Variants in CWF19L2 observed in about 807,000 individuals in gnomAD.
CWF19L2 encodes CWF19-like protein 2.
Under a neutral mutation model 111.7 loss-of-function variants are expected in CWF19L2, and 98 were observed. The observed-to-expected ratio is 0.88, with a 90% CI of 0.75 to 1.04. The LOEUF is 1.04. CWF19L2 is among the 50% of genes least tolerant of loss of function. The probability of loss-of-function intolerance (pLI) is 0.00; values close to 1 mark genes in which losing one functional copy is unlikely to be tolerated. For missense variants in CWF19L2, 1,101 were observed against 1,051.4 expected (o/e 1.05, Z -0.65); for synonymous variants, 351 against 342.9 (o/e 1.02, Z -0.26).
chr11:107,380,061 A>AAAAAAT (rs1483177520), intron 12 of CWF19L2, among the ~76,000 whole-genome samples: 2 of 150,428 alleles, frequency 1.3e-5, no homozygotes, highest in Admixed American at 6.6e-5. Flanking sequence ...AAAAAAAAAA[A>AAAAAAT]AAAAAAAAAA....
chr11:107,410,319 G>A (rs770209763), intron 10 of CWF19L2, among the ~76,000 whole-genome samples: 1 of 152,058 alleles, frequency 6.6e-6, no homozygotes, highest in African/African-American at 2.4e-5. Flanking sequence ...CAAGGCCCTG[G>A]ATCTGATGGA....
intron 10 of CWF19L2, among the ~76,000 whole-genome samples, chr11:107,412,892 G>GT (rs1311666511): frequency 6.6e-6 from 1 of 152,162 alleles, no homozygotes. Flanking sequence ...GCTACATACT[G>GT]TATGATTTCA....
At chr11:107,372,843 C>T (rs1860532615) in intron 12 of CWF19L2, among the ~76,000 whole-genome samples, 2 of 130,456 alleles carry the variant, frequency 1.5e-5, no homozygotes, top group Non-Finnish European at 3.2e-5. Context: ...GTGATTTGTG[C>T]ATTTCCATCT....
intron 3 of CWF19L2, among the ~76,000 whole-genome samples, chr11:107,446,273 T>A (rs1270394129): frequency 1.3e-5 from 2 of 152,230 alleles, no homozygotes; most frequent in African/African-American, 4.8e-5. Context: ...CCTCTTGTTT[T>A]ATAATTTAGT....
At chr11:107,359,554 CAA>C (rs1056817290) in intron 12 of CWF19L2, among the ~76,000 whole-genome samples, 1 of 152,100 alleles carries the variant, frequency 6.6e-6, no homozygotes, top group African/African-American at 2.4e-5. Flanking sequence ...GATAAACTAG[CAA>C]AATTTTTGCT....
intron 13 of CWF19L2, among the ~76,000 whole-genome samples, chr11:107,349,574 A>G (rs183177605): frequency 4.6e-5 from 7 of 152,158 alleles, no homozygotes; most frequent in Admixed American, 2.0e-4. Flanking sequence ...ATTTACATAC[A>G]TGTATTACCT....
intron 8 of CWF19L2, among the ~76,000 whole-genome samples, chr11:107,425,296 T>C (rs1473267800): frequency 1.3e-5 from 2 of 151,724 alleles, no homozygotes; most frequent in Non-Finnish European, 2.9e-5. Flanking sequence ...AAATTAGTCA[T>C]GCATAGCATA....
intron 16 of CWF19L2, among the ~76,000 whole-genome samples, chr11:107,334,512 T>C (rs1859893387): frequency 6.6e-6 from 1 of 152,206 alleles, no homozygotes; most frequent in African/African-American, 2.4e-5. Flanking sequence ...AGGAAAATTT[T>C]TCTCTCAGTA....
At chr11:107,445,169 A>G (rs1479678102) in intron 3 of CWF19L2, among the ~76,000 whole-genome samples, 1 of 152,248 alleles carries the variant, frequency 6.6e-6, no homozygotes, top group African/African-American at 2.4e-5. Context: ...CTATTCTTGA[A>G]GCCTAGCTGC....
At chr11:107,456,744 G>A (rs1443635005) in intron 1 of CWF19L2, among the ~76,000 whole-genome samples, 1 of 151,958 alleles carries the variant, frequency 6.6e-6, no homozygotes, top group Non-Finnish European at 1.5e-5. Flanking sequence ...CTTGGTGTAG[G>A]CAAGAAGATG....
At chr11:107,332,209 G>A (rs995440286) in intron 16 of CWF19L2, among the ~76,000 whole-genome samples, 4 of 152,070 alleles carry the variant, frequency 2.6e-5, no homozygotes, top group Admixed American at 6.6e-5. Context: ...AATTGCTATA[G>A]TTATCACAAA....
intron 10 of CWF19L2, among the ~76,000 whole-genome samples, chr11:107,413,182 G>A (rs558695163): frequency 6.6e-6 from 1 of 152,288 alleles, no homozygotes; most frequent in East Asian, 1.9e-4. Context: ...TACTCCTCTG[G>A]TAGGGGCTAT....
chr11:107,396,998 G>A (rs966915573), intron 10 of CWF19L2, among the ~76,000 whole-genome samples: 1 of 152,218 alleles, frequency 6.6e-6, no homozygotes, highest in African/African-American at 2.4e-5. Context: ...AGAGGAAGGA[G>A]CAGAAAGGCC....
In CWF19L2 at chr11:107,429,171, C is replaced by T. The variant is rs773790161; in HGVS notation, c.1061G>A (p.Arg354Lys). 1.1e-5 allele frequency: 18 copies of T among 1,613,664 alleles called. No homozygotes were observed. Among genetic ancestry groups the T allele is most frequent in the Non-Finnish European group, 1.3e-5 (15 of 1,179,808 alleles). Residue 354 changes from arginine (R) to lysine (K), a missense_variant, in exon 8 of 18, where the codon AGG becomes AAG. Physicochemically the swap from Arg to Lys is conservative, Grantham distance 26. Transcript: ENST00000282251. ...LETCRRESNP[R>K]QNQEFSFGNL... is the part of the protein sequence containing the mutation. Reference sequence around the variant, plus strand: ...GCCAAAAGAAAACTCTTGATTTTGCCTTGGGTTAGATTCTCTTCTACACGT... The same window carrying T: ...GCCAAAAGAAAACTCTTGATTTTGCTTTGGGTTAGATTCTCTTCTACACGT...
intron 14 of CWF19L2, among the ~76,000 whole-genome samples, chr11:107,346,166 A>C (rs1201838362): frequency 2.0e-5 from 3 of 152,206 alleles, no homozygotes; most frequent in African/African-American, 4.8e-5. Context: ...AAATTAAAGT[A>C]CTTAAAACTA....
intron 4 of CWF19L2, among the ~76,000 whole-genome samples, chr11:107,442,609 G>A (rs779970521): frequency 6.6e-6 from 1 of 151,446 alleles, no homozygotes; most frequent in Non-Finnish European, 1.5e-5. Context: ...ACTCGAGCTT[G>A]GGAGGTCGAG....
Position 107,393,218 on chromosome 11 carries a change from T to C in CWF19L2, c.1618-323A>G, listed in dbSNP as rs77834311. Among the ~76,000 whole-genome samples, 786 of 152,274 alleles carry C rather than the reference T, an allele frequency of 5.2e-3. 22 individuals are homozygous for C. The highest frequency in any genetic ancestry group is 0.02 in the East Asian group (102 of 5,188). On this transcript the variant is annotated intron_variant, in intron 10 of 17. Coordinates refer to ENST00000282251, the MANE Select transcript of CWF19L2 (RefSeq NM_152434.3). ...ATGTGCCCATCACTTATGCAGTAGA[T>C]GTAATGTTTTTTAAATTTAAAGATC... is the stretch of plus-strand genomic sequence containing the variant.
At chr11:107,327,900 T>A (rs1859785949) in intron 17 of CWF19L2, among the ~76,000 whole-genome samples, 1 of 152,140 alleles carries the variant, frequency 6.6e-6, no homozygotes, top group Admixed American at 6.6e-5. Context: ...TGTGGTGAGA[T>A]CCTGCACAAA....
intron 10 of CWF19L2, among the ~76,000 whole-genome samples, chr11:107,402,350 T>C (rs1447040099): frequency 1.4e-5 from 2 of 147,688 alleles, no homozygotes; most frequent in Non-Finnish European, 3.0e-5. Context: ...AGGACTAATA[T>C]CCAGAATCTA....
Sources: gnomAD v4.1 joint callset for allele counts (sites outside exome capture counted in the v4.1 genomes callset) on GRCh38, gnomAD v4.1.1 for gene constraint, MANE v1.5 for transcripts, NCBI Gene and HGNC (gene_info 2026-07-23, HGNC 2026-07-21) for gene names.